The following CTIF variants were observed in gnomAD, a reference collection of about 807,000 sequenced individuals.
CTIF encodes cap binding complex dependent translation initiation factor.
In CTIF, 21 loss-of-function variants were observed where a neutral mutation model predicts 66.0. The observed-to-expected ratio is 0.32, with a 90% CI of 0.23 to 0.46. The LOEUF (loss-of-function observed/expected upper bound fraction) is 0.46, where lower values mean the gene tolerates loss of function less well. CTIF is among the 20% of genes least tolerant of loss of function. CTIF has a pLI of 1.00. For missense variants in CTIF, 739 were observed against 812.7 expected (o/e 0.91, Z 1.10); for synonymous variants, 345 against 326.4 (o/e 1.06, Z -0.62).
Position 48,817,231 on chromosome 18 carries a change from C to T in CTIF, c.1382C>T (p.Thr461Met), listed in dbSNP as rs200313305. ...CTCATGCCTCCACAGAAGGACTTCA[C>T]GGTGCGCGAGGAGCTGCAGCAGCAG... ...LLLNMLQKDF[T>M]VREELQQQDV... is the part of the protein sequence containing the mutation. The change falls in exon 10 of 12, where the codon ACG (threonine) becomes ATG (methionine). Residue 461 changes from threonine (T) to methionine (M), a missense_variant. Coordinates refer to ENST00000256413, the MANE Select transcript of CTIF (RefSeq NM_014772.3). 122 of 1,613,296 alleles carry T rather than the reference C, an allele frequency of 7.6e-5. No homozygotes were observed. Among genetic ancestry groups the T allele is most frequent in the Admixed American group, 2.5e-4 (15 of 59,984 alleles).
intron 1 of CTIF, among the ~76,000 whole-genome samples, chr18:48,544,067 T>A (rs775237040): frequency 1.3e-5 from 2 of 152,220 alleles, no homozygotes; most frequent in African/African-American, 2.4e-5. Context: ...TTTGCAAAGC[T>A]GGGATGCGTG....
At chr18:48,768,981 C>T (rs1909846626) in intron 9 of CTIF, among the ~76,000 whole-genome samples, 1 of 152,178 alleles carries the variant, frequency 6.6e-6, no homozygotes, top group African/African-American at 2.4e-5. Flanking sequence ...ACTGTGTTTC[C>T]AGGGGTCGCT....
chr18:48,709,361 A>G (rs913304176), intron 6 of CTIF, among the ~76,000 whole-genome samples: 2 of 152,248 alleles, frequency 1.3e-5, no homozygotes, highest in Admixed American at 6.5e-5. Context: ...GTGGCCCGGT[A>G]TGCCCCATTG....
intron 1 of CTIF, among the ~76,000 whole-genome samples, chr18:48,574,137 C>G (rs1461329070): frequency 2.6e-5 from 4 of 152,258 alleles, no homozygotes; most frequent in African/African-American, 9.6e-5. Flanking sequence ...CCTGCCGGGG[C>G]GGCTTCCTGC....
intron 10 of CTIF, among the ~76,000 whole-genome samples, chr18:48,848,650 C>T (rs1159598473): frequency 6.6e-6 from 1 of 152,228 alleles, no homozygotes; most frequent in East Asian, 1.9e-4. Context: ...ACCCCCTTTC[C>T]CTCCCTGCAG....
At chr18:48,729,963 T>C (rs1316078853) in intron 7 of CTIF, among the ~76,000 whole-genome samples, 1 of 152,226 alleles carries the variant, frequency 6.6e-6, no homozygotes, top group Non-Finnish European at 1.5e-5. Context: ...GAGGCATCCC[T>C]GGGAGGACTG....
chr18:48,761,328 C>T lies in CTIF; in HGVS notation c.1072-62C>T, dbSNP rs1288362771. ...GGGTGGCCACCCTCTTTCCACCAGGCCACCCCTGCACAGAGACCTCGGCTT... is the reference window on the plus strand; with the variant it reads ...GGGTGGCCACCCTCTTTCCACCAGGTCACCCCTGCACAGAGACCTCGGCTT... On this transcript the variant is annotated intron_variant, in intron 8 of 11. Transcript: ENST00000256413. The surrounding 1 kb of genome is among the most constrained non-coding windows in gnomAD (Gnocchi z 4.2). 6.5e-7 allele frequency: 1 copy of T among 1,531,334 alleles called. No homozygotes were observed. The highest frequency in any genetic ancestry group is 8.9e-7 in the Non-Finnish European group (1 of 1,125,320). 94.9% of individuals were successfully genotyped at this position (1,531,334 alleles called of 1,614,324 possible). A position where few individuals can be genotyped will look rare whatever the true frequency, so the allele number is the denominator to read the frequency against.
chr18:48,765,851 TGTG>T (rs1400581125), intron 9 of CTIF, among the ~76,000 whole-genome samples: 1 of 152,170 alleles, frequency 6.6e-6, no homozygotes, highest in African/African-American at 2.4e-5. Context: ...TTACCTGAAA[TGTG>T]GCCCTTTTAT....
rs1172831237 is a variant in CTIF, at chr18:48,721,113, C to T, written c.584+9418C>T. On this transcript the variant is annotated intron_variant, in intron 7 of 11. Coordinates refer to ENST00000256413, the MANE Select transcript of CTIF (RefSeq NM_014772.3). ...CCCACAGTTGGAGAGCAGAGTACTA[C>T]TCTTTCTCGATCACAATAATCCCCT... Among the ~76,000 whole-genome samples, 3 of 152,206 alleles carry T rather than the reference C, an allele frequency of 2.0e-5. No homozygotes were observed. In the East Asian group the frequency reaches 5.8e-4, roughly 29 times the overall value.
intron 1 of CTIF, among the ~76,000 whole-genome samples, chr18:48,541,631 G>T (rs1437129528): frequency 6.6e-6 from 1 of 152,188 alleles, no homozygotes; most frequent in African/African-American, 2.4e-5. Flanking sequence ...CAGGTTGTCT[G>T]GGGAAACTCC....
intron 1 of CTIF, among the ~76,000 whole-genome samples, chr18:48,570,129 C>T (rs2089378621): frequency 6.6e-6 from 1 of 152,166 alleles, no homozygotes; most frequent in African/African-American, 2.4e-5. Context: ...ATCCAAACCC[C>T]TTGTAAAAAG....
At chr18:48,823,583 A>T (rs575627515) in intron 10 of CTIF, among the ~76,000 whole-genome samples, 1 of 152,166 alleles carries the variant, frequency 6.6e-6, no homozygotes, top group Non-Finnish European at 1.5e-5. Flanking sequence ...TACATTTTGA[A>T]ATTAGGAAGT....
At chr18:48,854,244 G>A (rs1159757733) in intron 10 of CTIF, among the ~76,000 whole-genome samples, 2 of 152,110 alleles carry the variant, frequency 1.3e-5, no homozygotes, top group Non-Finnish European at 1.5e-5. Flanking sequence ...AAGCAGGGAG[G>A]GCAGGGACTG....
intron 11 of CTIF, among the ~76,000 whole-genome samples, chr18:48,858,988 C>T (rs1280935458): frequency 6.6e-6 from 1 of 152,134 alleles, no homozygotes; most frequent in Non-Finnish European, 1.5e-5. Flanking sequence ...GGGCACAGAT[C>T]ATGGAGCCAT....
At chr18:48,556,851 C>T (rs915493203) in intron 1 of CTIF, among the ~76,000 whole-genome samples, 1 of 151,818 alleles carries the variant, frequency 6.6e-6, no homozygotes, top group African/African-American at 2.4e-5. Flanking sequence ...AGGTGTGAAC[C>T]TCCATGTCCA....
At chr18:48,708,152 C>A (rs1434493794) in intron 6 of CTIF, among the ~76,000 whole-genome samples, 1 of 152,214 alleles carries the variant, frequency 6.6e-6, no homozygotes, top group Admixed American at 6.5e-5. Flanking sequence ...CATGTTTTGG[C>A]TCTTATGAAC....
At chr18:48,567,432 C>CTAAT (rs2089303006) in intron 1 of CTIF, 1 of 152,240 alleles carries the variant, frequency 6.6e-6, no homozygotes, top group Admixed American at 6.5e-5. Flanking sequence ...GACTGGTCTT[C>CTAAT]TAATAGAGCA....
intron 9 of CTIF, among the ~76,000 whole-genome samples, chr18:48,777,406 G>T (rs577416711): frequency 1.3e-5 from 2 of 152,310 alleles, no homozygotes; most frequent in Admixed American, 1.3e-4. Context: ...ACCCCTTGGG[G>T]TCCCAGCCCT....
chr18:48,787,563 G>A (rs564800451), intron 9 of CTIF, among the ~76,000 whole-genome samples: 1 of 152,268 alleles, frequency 6.6e-6, no homozygotes, highest in East Asian at 1.9e-4. Flanking sequence ...CCCAAACCAG[G>A]CATTCCAACC....
Sources: allele counts gnomAD v4.1 joint callset (sites outside exome capture counted in the v4.1 genomes callset), GRCh38; gene constraint gnomAD v4.1.1; non-coding constraint Gnocchi (gnomAD v3.1); transcripts MANE v1.5; gene names NCBI Gene and HGNC (gene_info 2026-07-23, HGNC 2026-07-21).